The following FAM13C variants were observed in gnomAD, a reference collection of about 807,000 sequenced individuals.
The protein encoded by FAM13C is family with sequence similarity 13 member C.
FAM13C carries 37 observed loss-of-function variants against 73.2 expected under a neutral mutation model. That is an observed-to-expected ratio of 0.51 (90% confidence interval 0.39 to 0.67). The LOEUF (loss-of-function observed/expected upper bound fraction) is 0.67, where lower values mean the gene tolerates loss of function less well. Ranked by LOEUF, FAM13C falls within the 30% of genes least tolerant of loss-of-function variation. FAM13C has a pLI of 0.00. For missense variants in FAM13C, 589 were observed against 715.6 expected (o/e 0.82, Z 2.02); for synonymous variants, 246 against 260.9 (o/e 0.94, Z 0.55).
At chr10:59,251,879 T>C (rs147179103) in intron 12 of FAM13C, among the ~76,000 whole-genome samples, 40 of 151,702 alleles carry the variant, frequency 2.6e-4, no homozygotes, top group Non-Finnish European at 3.5e-4. Context: ...ATGGAAAAAA[T>C]ATCACAGGAT....
intron 6 of FAM13C, among the ~76,000 whole-genome samples, chr10:59,278,590 C>T (rs1844579710): frequency 6.6e-6 from 1 of 152,058 alleles, no homozygotes; most frequent in Non-Finnish European, 1.5e-5. Context: ...TCACCAGATG[C>T]CAGGAATGTC....
chr10:59,334,495 C>G (rs185872), intron 3 of FAM13C, among the ~76,000 whole-genome samples: 1 of 151,788 alleles, frequency 6.6e-6, no homozygotes, highest in African/African-American at 2.4e-5. Flanking sequence ...ATAGCAAAGA[C>G]TTGGAACCAA....
In FAM13C at chr10:59,246,331, G is replaced by C; in HGVS notation, c.*1283C>G. Reference sequence around the variant, plus strand: ...GACTTCAATTAAACAAATTTATGAAGGACATTATTCTGATTCATAAAAGTT... The same window carrying C: ...GACTTCAATTAAACAAATTTATGAACGACATTATTCTGATTCATAAAAGTT... On this transcript the variant is annotated 3_prime_UTR_variant, in exon 14 of 14. Coordinates refer to ENST00000618804, the MANE Select transcript of FAM13C (RefSeq NM_198215.4). The C allele has an allele frequency of 4.8e-6, 1 of 207,546 alleles. No individual in the cohort carries two copies. Among genetic ancestry groups the C allele is most frequent in the Non-Finnish European group, 9.6e-6 (1 of 104,594 alleles). 12.9% of individuals were successfully genotyped at this position (207,546 alleles called of 1,614,324 possible).
chr10:59,248,770 A>C (rs1489908363), intron 13 of FAM13C, among the ~76,000 whole-genome samples: 1 of 152,210 alleles, frequency 6.6e-6, no homozygotes, highest in Non-Finnish European at 1.5e-5. Flanking sequence ...AGATATTTCT[A>C]TCTCTTACCA....
At chr10:59,307,235 G>T (rs1025314762) in intron 4 of FAM13C, among the ~76,000 whole-genome samples, 2 of 152,092 alleles carry the variant, frequency 1.3e-5, no homozygotes, top group African/African-American at 4.8e-5. Context: ...GCAGAGAAGG[G>T]GGGTGAGATA....
intron 3 of FAM13C, among the ~76,000 whole-genome samples, chr10:59,327,458 C>T (rs920880198): frequency 6.6e-6 from 1 of 152,160 alleles, no homozygotes; most frequent in African/African-American, 2.4e-5. Flanking sequence ...CATTTCTCTG[C>T]TCCAGTTGGA....
chr10:59,264,263 T>A, intron 8 of FAM13C, 97 bp from the exon 9 acceptor site: 1 of 790,636 alleles, frequency 1.3e-6, no homozygotes, highest in South Asian at 1.6e-5. Flanking sequence ...TTTAAACAGA[T>A]GAGCTACACA....
At chr10:59,316,536 T>C (rs1024887532) in intron 4 of FAM13C, among the ~76,000 whole-genome samples, 13 of 152,268 alleles carry the variant, frequency 8.5e-5, no homozygotes, top group South Asian at 6.2e-4. Flanking sequence ...TATTTCGTTG[T>C]TGTGCAAACA....
chr10:59,293,183 C>T (rs1846486253), intron 5 of FAM13C, among the ~76,000 whole-genome samples: 1 of 147,646 alleles, frequency 6.8e-6, no homozygotes. Flanking sequence ...ACGCCATTCT[C>T]CTGCCTCAGC....
At chr10:59,322,365 G>A (rs1284863073) in intron 4 of FAM13C, among the ~76,000 whole-genome samples, 1 of 152,210 alleles carries the variant, frequency 6.6e-6, no homozygotes, top group Admixed American at 6.5e-5. Flanking sequence ...GCTGACAGCG[G>A]TGCACAGAAC....
At chr10:59,281,649 A>G (rs1420245564) in intron 6 of FAM13C, among the ~76,000 whole-genome samples, 1 of 152,244 alleles carries the variant, frequency 6.6e-6, no homozygotes, top group Non-Finnish European at 1.5e-5. Flanking sequence ...CGTGTGAGCA[A>G]TCCCTACATA....
chr10:59,300,408 T>C (rs2133847437), intron 5 of FAM13C, among the ~76,000 whole-genome samples: 1 of 152,316 alleles, frequency 6.6e-6, no homozygotes, highest in South Asian at 2.1e-4. Context: ...AGTGCAGTTA[T>C]GGAACTGGTA....
chr10:59,340,416 G>C (rs1853341854), intron 3 of FAM13C, among the ~76,000 whole-genome samples: 1 of 151,954 alleles, frequency 6.6e-6, no homozygotes, highest in Non-Finnish European at 1.5e-5. Context: ...GTTTGCCTGG[G>C]CTCCTCACTC....
chr10:59,316,455 A>G (rs1271394151), intron 4 of FAM13C, among the ~76,000 whole-genome samples: 2 of 152,244 alleles, frequency 1.3e-5, no homozygotes, highest in Non-Finnish European at 2.9e-5. Context: ...ATGATGGTAT[A>G]TCCACAAAAG....
At chr10:59,362,670 G>A, upstream of FAM13C, 3 of 1,197,460 alleles carry the variant, frequency 2.5e-6, no homozygotes, top group Non-Finnish European at 3.4e-6. Flanking sequence ...GCGAGGCTGC[G>A]GGGACAGAGC....
At chr10:59,306,283 C>T (rs1182768606) in intron 4 of FAM13C, among the ~76,000 whole-genome samples, 2 of 152,024 alleles carry the variant, frequency 1.3e-5, no homozygotes, top group African/African-American at 2.4e-5. Flanking sequence ...TAGAGAAGAG[C>T]CTACGTAGAA....
At chr10:59,342,714 G>A (rs1853672559) in intron 3 of FAM13C, among the ~76,000 whole-genome samples, 1 of 152,144 alleles carries the variant, frequency 6.6e-6, no homozygotes, top group South Asian at 2.1e-4. Flanking sequence ...GCAGACTTGA[G>A]GTTAATATGT....
chr10:59,324,626 T>C lies in FAM13C; in HGVS notation c.325-520A>G, dbSNP rs1850842977. On this transcript the variant is annotated intron_variant, in intron 3 of 13. Coordinates refer to ENST00000618804, the MANE Select transcript of FAM13C (RefSeq NM_198215.4). The stretch of plus-strand genomic sequence containing the variant: ...TATTTTTGGGAGCCCATATATATTT[T>C]CTAAGTTTTCTACAATAAACATTAT... Among the ~76,000 whole-genome samples the C allele has an allele frequency of 2.0e-5, 3 of 152,274 alleles. No homozygotes were observed. The South Asian group carries it at 6.2e-4, about 32-fold the overall frequency.
intron 4 of FAM13C, among the ~76,000 whole-genome samples, chr10:59,310,568 T>TA (rs1351072731): frequency 5.3e-5 from 8 of 150,646 alleles, no homozygotes; most frequent in Non-Finnish European, 8.9e-5. Flanking sequence ...CTTCAAAGAC[T>TA]AAAAAAAAAC....
Sources: gnomAD v4.1 joint callset for allele counts (sites outside exome capture counted in the v4.1 genomes callset) on GRCh38, gnomAD v4.1.1 for gene constraint, MANE v1.5 for transcripts, NCBI Gene and HGNC (gene_info 2026-07-23, HGNC 2026-07-21) for gene names.